MAGI1: variants seen among roughly 807,000 people sequenced by gnomAD.
MAGI1 encodes the protein membrane-associated guanylate kinase, WW and PDZ domain-containing protein 1.
Under a neutral mutation model 139.9 loss-of-function variants are expected in MAGI1, and 58 were observed. That is an observed-to-expected ratio of 0.41 (90% CI 0.34 to 0.52). The LOEUF (loss-of-function observed/expected upper bound fraction) is 0.52, where lower values mean the gene tolerates loss of function less well. MAGI1 is among the 20% of genes least tolerant of loss of function. The pLI, the probability that MAGI1 is intolerant of heterozygous loss-of-function variation, is 0.12. For synonymous variants in MAGI1, 812 were observed against 737.9 expected, an observed-to-expected ratio of 1.10 and a Z score of -1.63; for missense variants, 1,874 against 1,901.6, an observed-to-expected ratio of 0.99 and a Z score of 0.27.
intron 2 of MAGI1, among the ~76,000 whole-genome samples, chr3:65,594,720 A>C (rs983457209): frequency 2.0e-5 from 3 of 152,220 alleles, no homozygotes; most frequent in Non-Finnish European, 4.4e-5. Flanking sequence ...GAAAATGGTG[A>C]TTACTAAATG....
intron 2 of MAGI1, among the ~76,000 whole-genome samples, chr3:65,531,135 T>G (rs2107848279): frequency 6.6e-6 from 1 of 151,986 alleles, no homozygotes; most frequent in South Asian, 2.1e-4. Context: ...ATCTCTTTTT[T>G]TACATTAAAT....
At chr3:65,745,357 T>A (rs1395984732) in intron 1 of MAGI1, among the ~76,000 whole-genome samples, 3 of 152,026 alleles carry the variant, frequency 2.0e-5, no homozygotes. Context: ...GGTCAGTAAG[T>A]CAGACTGCAC....
intron 1 of MAGI1, among the ~76,000 whole-genome samples, chr3:65,866,489 G>A (rs979037446): frequency 2.6e-5 from 4 of 152,012 alleles, no homozygotes; most frequent in Admixed American, 1.3e-4. Flanking sequence ...GATCTCAGTA[G>A]GCCTTGAACG....
intron 1 of MAGI1, among the ~76,000 whole-genome samples, chr3:65,886,114 G>A (rs909518601): frequency 1.3e-5 from 2 of 152,124 alleles, no homozygotes; most frequent in Non-Finnish European, 2.9e-5. Context: ...ACTGTAATGG[G>A]CCAACCTTTC....
intron 2 of MAGI1, among the ~76,000 whole-genome samples, chr3:65,569,717 C>CA (rs5849679): frequency 0.42 from 63,255 of 151,320 alleles, 13,653 homozygotes; most frequent in East Asian, 0.67. Context: ...TCTCTAAAAA[C>CA]AAAAAATAAA....
rs543116078 is a variant in MAGI1 at position 65,408,629 on chromosome 3, A to G, written c.2168-7159T>C. Among the ~76,000 whole-genome samples the G allele has an allele frequency of 3.3e-5, 5 of 152,340 alleles. No individual in the cohort carries two copies. In the South Asian group the frequency reaches 1.0e-3, roughly 32 times the overall value. On this transcript the variant is annotated intron_variant, in intron 12 of 22. Transcript: ENST00000402939. Reference sequence around the variant, plus strand: ...ATGGCCGGCAACCCTTCTAAAAAAAAGCCATCTGCATCATTTCCTGCCAAC... The same window carrying G: ...ATGGCCGGCAACCCTTCTAAAAAAAGGCCATCTGCATCATTTCCTGCCAAC...
intron 7 of MAGI1, among the ~76,000 whole-genome samples, chr3:65,446,463 A>T (rs1263545859): frequency 2.0e-5 from 3 of 152,340 alleles, no homozygotes; most frequent in Middle Eastern, 3.4e-3. Context: ...CCACGATATC[A>T]CAGTTACATG....
chr3:65,461,671 G>C (rs1949809774), intron 5 of MAGI1, among the ~76,000 whole-genome samples: 2 of 151,510 alleles, frequency 1.3e-5, no homozygotes, highest in East Asian at 2.0e-4. Context: ...TGTATTTTTA[G>C]TACAGATGGG....
chr3:65,841,673 G>A (rs1283706711), intron 1 of MAGI1, among the ~76,000 whole-genome samples: 1 of 151,874 alleles, frequency 6.6e-6, no homozygotes, highest in Admixed American at 6.6e-5. Flanking sequence ...TGATCCACCT[G>A]GCTCGGCCTC....
chr3:65,657,792 A>C (rs556162157), intron 1 of MAGI1, among the ~76,000 whole-genome samples: 8 of 152,192 alleles, frequency 5.3e-5, no homozygotes, highest in African/African-American at 1.9e-4. Context: ...TTGCATGATG[A>C]CCCCCAGTGA....
At chr3:65,703,049 G>C (rs1261152135) in intron 1 of MAGI1, among the ~76,000 whole-genome samples, 1 of 151,996 alleles carries the variant, frequency 6.6e-6, no homozygotes, top group Admixed American at 6.6e-5. Flanking sequence ...GCTTGGAGAG[G>C]CAGCCCACCC....
intron 1 of MAGI1, among the ~76,000 whole-genome samples, chr3:65,956,028 G>A (rs921727241): frequency 2.0e-5 from 3 of 151,942 alleles, no homozygotes; most frequent in Non-Finnish European, 4.4e-5. Context: ...GGTTCTGCCC[G>A]GCCATAAACA....
intron 5 of MAGI1, among the ~76,000 whole-genome samples, chr3:65,461,008 T>A (rs2107534167): frequency 6.6e-6 from 1 of 152,286 alleles, no homozygotes; most frequent in East Asian, 1.9e-4. Flanking sequence ...GCAATAAACA[T>A]ACGTGTGCAT....
intron 1 of MAGI1, among the ~76,000 whole-genome samples, chr3:65,962,826 G>A (rs1347296714): frequency 1.3e-4 from 7 of 52,552 alleles, no homozygotes; most frequent in Non-Finnish European, 2.0e-4. Flanking sequence ...CTCTGTCTCG[G>A]GGGGAAAAAA....
At chr3:66,024,835 T>C (rs946403365) in intron 1 of MAGI1, among the ~76,000 whole-genome samples, 1 of 151,988 alleles carries the variant, frequency 6.6e-6, no homozygotes, top group African/African-American at 2.4e-5. Context: ...AAAAAACTAC[T>C]CAGTTTCTGA....
intron 1 of MAGI1, among the ~76,000 whole-genome samples, chr3:65,632,988 T>C (rs1013230184): frequency 6.6e-6 from 1 of 152,098 alleles, no homozygotes; most frequent in African/African-American, 2.4e-5. Context: ...GAAACTTACA[T>C]GAAATAAAAA....
intron 2 of MAGI1, among the ~76,000 whole-genome samples, chr3:65,539,136 A>G (rs67404031): frequency 0.18 from 26,839 of 152,080 alleles, 3,152 homozygotes; most frequent in Middle Eastern, 0.27. Flanking sequence ...AAACAGACAC[A>G]TGTACCAACT....
intron 1 of MAGI1, among the ~76,000 whole-genome samples, chr3:65,693,310 C>G (rs1035820200): frequency 6.6e-6 from 1 of 152,084 alleles, no homozygotes; most frequent in Non-Finnish European, 1.5e-5. Context: ...CAACAGAAAA[C>G]AGACTAAGAC....
intron 9 of MAGI1, among the ~76,000 whole-genome samples, chr3:65,438,944 GAAA>G (rs1948041745): frequency 6.6e-6 from 1 of 152,136 alleles, no homozygotes; most frequent in Non-Finnish European, 1.5e-5. Context: ...GCTGTTTAGA[GAAA>G]AAGTTTGCCA....
Sources: gnomAD v4.1 joint callset for allele counts (sites outside exome capture counted in the v4.1 genomes callset) on GRCh38, gnomAD v4.1.1 for gene constraint, MANE v1.5 for transcripts, NCBI Gene and HGNC (gene_info 2026-07-23, HGNC 2026-07-21) for gene names.